Variants in OLFM3 observed in about 807,000 individuals in gnomAD.
OLFM3 encodes the protein olfactomedin 3, also known as noelin-3.
OLFM3 carries 20 observed loss-of-function variants against 48.6 expected under a neutral mutation model. The ratio of observed to expected loss-of-function variants is 0.41; its 90% CI spans 0.29 to 0.60. The LOEUF is 0.60. Among genes scored for constraint, OLFM3 ranks in the 20% least tolerant of loss-of-function variants. OLFM3 has a pLI of 0.28. For missense variants in OLFM3, 437 were observed against 544.3 expected (o/e 0.80, Z 1.96); for synonymous variants, 222 against 198.1 (o/e 1.12, Z -1.01).
intron 1 of OLFM3, among the ~76,000 whole-genome samples, chr1:101,896,761 C>G (rs1001291941): frequency 6.7e-6 from 1 of 148,480 alleles, no homozygotes; most frequent in African/African-American, 2.5e-5. Flanking sequence ...CGGCCTCCTG[C>G]TTATACACTC....
chr1:101,835,473 C>T (rs1355519100), intron 2 of OLFM3, among the ~76,000 whole-genome samples: 1 of 152,132 alleles, frequency 6.6e-6, no homozygotes, highest in Non-Finnish European at 1.5e-5. Context: ...CACCACAATG[C>T]CCAGTTAATT....
chr1:101,945,383 T>C (rs546791264), intron 1 of OLFM3, among the ~76,000 whole-genome samples: 55 of 152,250 alleles, frequency 3.6e-4, no homozygotes, highest in African/African-American at 1.3e-3. Context: ...AAAATAATGC[T>C]GAGTGAAAAA....
At chr1:101,942,783 A>C (rs76919881) in intron 1 of OLFM3, among the ~76,000 whole-genome samples, 1 of 152,220 alleles carries the variant, frequency 6.6e-6, no homozygotes, top group African/African-American at 2.4e-5. Context: ...ATAGCATTGC[A>C]TTAAGAGAAG....
intron 1 of OLFM3, among the ~76,000 whole-genome samples, chr1:101,862,472 A>T (rs1224076914): frequency 1.3e-5 from 2 of 152,238 alleles, no homozygotes; most frequent in East Asian, 3.8e-4. Flanking sequence ...GTTTAGCTGT[A>T]CTTTCACAAA....
chr1:101,917,465 G>A (rs1273657885), intron 1 of OLFM3, among the ~76,000 whole-genome samples: 2 of 151,262 alleles, frequency 1.3e-5, no homozygotes, highest in East Asian at 3.9e-4. Context: ...TGCCCAGGCG[G>A]AAGTGCAGTG....
chr1:101,896,488 C>CTTTTTTTTTTTT (rs35260761), intron 1 of OLFM3, among the ~76,000 whole-genome samples: 3 of 76,686 alleles, frequency 3.9e-5, no homozygotes, highest in East Asian at 4.3e-4. Flanking sequence ...TGCTTACACA[C>CTTTTTTTTTTTT]TTTTTTTTTT....
At chr1:101,879,921 G>T (rs1261910366) in intron 1 of OLFM3, among the ~76,000 whole-genome samples, 2 of 151,740 alleles carry the variant, frequency 1.3e-5, no homozygotes, top group African/African-American at 2.4e-5. Context: ...TGATGAAAAA[G>T]CTCACAACAT....
At chr1:101,918,800 T>C (rs974180759) in intron 1 of OLFM3, among the ~76,000 whole-genome samples, 1 of 152,150 alleles carries the variant, frequency 6.6e-6, no homozygotes, top group Non-Finnish European at 1.5e-5. Flanking sequence ...CATAAATACC[T>C]TACATTTTAG....
chr1:101,965,440 G>T (rs954135810), intron 1 of OLFM3, among the ~76,000 whole-genome samples: 1 of 152,170 alleles, frequency 6.6e-6, no homozygotes, highest in African/African-American at 2.4e-5. Context: ...GCTGGTAAAA[G>T]AATGTCAGAG....
chr1:101,889,253 A>G (rs1472990729), intron 1 of OLFM3, among the ~76,000 whole-genome samples: 1 of 152,172 alleles, frequency 6.6e-6, no homozygotes. Flanking sequence ...GAACCAACTC[A>G]AATGTCCCTC....
chr1:101,896,092 G>C (rs1181161339), intron 1 of OLFM3, among the ~76,000 whole-genome samples: 1 of 151,686 alleles, frequency 6.6e-6, no homozygotes, highest in Non-Finnish European at 1.5e-5. Flanking sequence ...TAAAGATTAG[G>C]AATAAATTTA....
chr1:101,883,997 C>T (rs1657642372), intron 1 of OLFM3, among the ~76,000 whole-genome samples: 1 of 151,660 alleles, frequency 6.6e-6, no homozygotes, highest in Non-Finnish European at 1.5e-5. Context: ...CACCAAGAGT[C>T]TTAAAAATAA....
intron 1 of OLFM3, among the ~76,000 whole-genome samples, chr1:101,911,464 T>C (rs955238552): frequency 6.6e-6 from 1 of 152,118 alleles, no homozygotes; most frequent in African/African-American, 2.4e-5. Flanking sequence ...GAAAGGGACT[T>C]ACTTTAAAGA....
chr1:101,841,658 C>T (rs115951077), intron 1 of OLFM3, among the ~76,000 whole-genome samples: 271 of 152,226 alleles, frequency 1.8e-3, no homozygotes, highest in Non-Finnish European at 2.9e-3. Context: ...GTGGAAGGCA[C>T]GGCAATCATT....
At chr1:101,824,573 A>G (rs949592630) in intron 4 of OLFM3, among the ~76,000 whole-genome samples, 10 of 152,092 alleles carry the variant, frequency 6.6e-5, no homozygotes, top group African/African-American at 1.7e-4. Flanking sequence ...ATTTGCTTTA[A>G]TAATTGCTGT....
chr1:101,958,708 T>A (rs1660374557), intron 1 of OLFM3, among the ~76,000 whole-genome samples: 1 of 151,898 alleles, frequency 6.6e-6, no homozygotes, highest in African/African-American at 2.4e-5. Context: ...GATTCTTGAG[T>A]TAAAGTGATT....
chr1:101,991,470 A>G (rs1446153396), intron 1 of OLFM3, among the ~76,000 whole-genome samples: 1 of 152,074 alleles, frequency 6.6e-6, no homozygotes, highest in Non-Finnish European at 1.5e-5. Flanking sequence ...TCTTAGTACA[A>G]AAATTGAAGC....
chr1:101,937,813 A>G (rs1659669315), intron 1 of OLFM3, among the ~76,000 whole-genome samples: 1 of 152,220 alleles, frequency 6.6e-6, no homozygotes, highest in Non-Finnish European at 1.5e-5. Flanking sequence ...TGACCACCCT[A>G]TACATATACA....
chr1:101,861,244 T>G (rs908042312), intron 1 of OLFM3, among the ~76,000 whole-genome samples: 2 of 151,984 alleles, frequency 1.3e-5, no homozygotes, highest in African/African-American at 4.8e-5. Context: ...GTATTTTTAG[T>G]AGAGACAGGG....
Sources: allele counts gnomAD v4.1 joint callset (sites outside exome capture counted in the v4.1 genomes callset), GRCh38; gene constraint gnomAD v4.1.1; transcripts MANE v1.5; gene names NCBI Gene and HGNC (gene_info 2026-07-23, HGNC 2026-07-21).